The following IHO1 variants were observed in gnomAD, a reference collection of about 807,000 sequenced individuals.
The protein encoded by IHO1 is interactor of HORMAD1 1.
In IHO1, 13 loss-of-function variants were observed where a neutral mutation model predicts 31.0. That is an observed-to-expected ratio of 0.42 (90% CI 0.27 to 0.67). The LOEUF is 0.67. Among genes scored for constraint, IHO1 ranks in the 30% least tolerant of loss-of-function variants. IHO1 has a pLI of 0.24. For missense variants in IHO1, 599 were observed against 687.5 expected, an observed-to-expected ratio of 0.87 and a Z score of 1.44; for synonymous variants, 221 against 248.4, an observed-to-expected ratio of 0.89 and a Z score of 1.04.
At chr3:49,223,475 A>G (rs1264594515) in intron 2 of IHO1, among the ~76,000 whole-genome samples, 2 of 152,084 alleles carry the variant, frequency 1.3e-5, no homozygotes, top group Admixed American at 6.6e-5. Context: ...GCGGATCACG[A>G]GGTCAGGAGA....
At chr3:49,195,511 A>G (rs556633862), upstream of IHO1, among the ~76,000 whole-genome samples, 31 of 150,984 alleles carry the variant, frequency 2.1e-4, no homozygotes, top group African/African-American at 6.8e-4. Flanking sequence ...AGGTCAGGAG[A>G]TAGAGACCAT....
intron 2 of IHO1, among the ~76,000 whole-genome samples, chr3:49,229,025 CACAGAGTGCTGATTGGTGCGTTTTT>C (rs1268976374): frequency 2.6e-5 from 4 of 152,126 alleles, no homozygotes; most frequent in East Asian, 1.9e-4. Flanking sequence ...TATAGCTAGA[CACAGAGTGCTGATTGGTGCGTTTTT>C]ACAGAGTGCT....
At chr3:49,209,063 T>C (rs2046175762) in intron 1 of IHO1, among the ~76,000 whole-genome samples, 1 of 152,190 alleles carries the variant, frequency 6.6e-6, no homozygotes, top group South Asian at 2.1e-4. Flanking sequence ...GGGTAAACCA[T>C]GTGGTAAACA....
chr3:49,256,569 A>C lies in IHO1; in HGVS notation c.1072A>C (p.Lys358Gln), dbSNP rs1433412515. Residue 358 changes from lysine (K) to glutamine (Q), a missense_variant, in exon 8 of 8, where the codon AAG becomes CAG. Lys to Gln is a moderately conservative substitution (Grantham distance 53, BLOSUM62 1). Transcript: ENST00000452691. This position sits in a 1 kb window ranked among gnomAD's most constrained non-coding sequence, Gnocchi z 4.6. ...GGACAAGGTGGTGCAGACTAACTGC[A>C]AGAACTGGGCTGTTACTAAAACAGG... ...VKDKVVQTNC[K>Q]NWAVTKTGAK... The C allele has an allele frequency of 6.2e-7, 1 of 1,614,232 alleles. No individual in the cohort carries two copies. The highest frequency in any genetic ancestry group is 8.5e-7 in the Non-Finnish European group (1 of 1,180,042).
At chr3:49,211,155 C>T (rs1390854142) in intron 1 of IHO1, among the ~76,000 whole-genome samples, 1 of 151,410 alleles carries the variant, frequency 6.6e-6, no homozygotes, top group East Asian at 1.9e-4. Flanking sequence ...CTACAGGCAC[C>T]CACCACCACG....
At position 49,239,146 on chromosome 3, in the gene IHO1, ATTTTTAGTAGAGACAGGG is replaced by A. The variant is rs563786780; in HGVS notation, c.232-2076_232-2059del. Among the ~76,000 whole-genome samples the A allele has an allele frequency of 4.2e-3, 634 of 151,772 alleles. 4 individuals carry two copies. The highest frequency in any genetic ancestry group is 0.014 in the African/African-American group (594 of 41,354). ...GCCCCCATGCCCAGCTAATTTTTGTATTTTTAGTAGAGACAGGGTTTCACTGTGTTGGCTAGGCTGGTC... is the reference window on the plus strand; with the variant it reads ...GCCCCCATGCCCAGCTAATTTTTGTATTTCACTGTGTTGGCTAGGCTGGTC... On this transcript the variant is annotated intron_variant, in intron 3 of 7. Transcript: ENST00000452691.
chr3:49,218,130 C>T (rs2046312079), intron 2 of IHO1, among the ~76,000 whole-genome samples: 1 of 152,078 alleles, frequency 6.6e-6, no homozygotes, highest in Non-Finnish European at 1.5e-5. Context: ...AGCTGGCTGC[C>T]CCCATGAGCA....
chr3:49,244,343 A>T (rs1302867349), intron 4 of IHO1, 61 bp from the exon 5 acceptor site: 2 of 998,736 alleles, frequency 2.0e-6, no homozygotes, highest in Non-Finnish European at 3.2e-6. Flanking sequence ...GGAATCATTT[A>T]TGTTACTTAT....
upstream of IHO1, among the ~76,000 whole-genome samples, chr3:49,196,430 TG>T (rs2045996503): frequency 6.7e-6 from 1 of 149,232 alleles, no homozygotes; most frequent in Non-Finnish European, 1.5e-5. Context: ...GCCATTCTCC[TG>T]CCTCAGCCTC....
intron 6 of IHO1, among the ~76,000 whole-genome samples, chr3:49,250,886 C>A (rs1029539949): frequency 1.3e-5 from 2 of 151,766 alleles, no homozygotes; most frequent in Non-Finnish European, 1.5e-5. Context: ...AAAAATTAGC[C>A]GGGCGTGGTG....
intron 2 of IHO1, among the ~76,000 whole-genome samples, chr3:49,220,783 G>A (rs920237053): frequency 6.6e-5 from 10 of 152,196 alleles, no homozygotes; most frequent in Non-Finnish European, 7.3e-5. Flanking sequence ...CAGGAGAATG[G>A]CATGAACCTG....
chr3:49,255,557 AC>A (rs2046812330), intron 7 of IHO1, 64 bp downstream of exon 7: 424 of 898,594 alleles, frequency 4.7e-4, no homozygotes, highest in Non-Finnish European at 6.0e-4. Context: ...CCAGAGAGAA[AC>A]TTTTTTTTTT....
chr3:49,228,253 T>A, intron 2 of IHO1: 1 of 436,590 alleles, frequency 2.3e-6, no homozygotes, highest in Non-Finnish European at 4.6e-6. Flanking sequence ...ATGGCTTTCC[T>A]CTCTGTCAAC....
At chr3:49,224,262 C>T (rs1258289917) in intron 2 of IHO1, among the ~76,000 whole-genome samples, 4 of 152,186 alleles carry the variant, frequency 2.6e-5, no homozygotes, top group Non-Finnish European at 5.9e-5. Flanking sequence ...ACCAAGGATC[C>T]TTCCGTAGGT....
chr3:49,202,738 C>A (rs887940371), intron 1 of IHO1, among the ~76,000 whole-genome samples: 7 of 151,724 alleles, frequency 4.6e-5, no homozygotes, highest in African/African-American at 1.5e-4. Context: ...TACGATGGCG[C>A]AGTCTTGGCT....
chr3:49,227,233 C>T (rs2046428718), intron 2 of IHO1, among the ~76,000 whole-genome samples: 2 of 152,152 alleles, frequency 1.3e-5, no homozygotes, highest in Admixed American at 6.5e-5. Context: ...GGCCATTTTT[C>T]CCCATCAGAG....
intron 6 of IHO1, among the ~76,000 whole-genome samples, chr3:49,253,028 A>G (rs1311285435): frequency 6.6e-6 from 1 of 151,256 alleles, no homozygotes; most frequent in African/African-American, 2.4e-5. Context: ...CAATAGAATG[A>G]GACTCAGTCT....
intron 2 of IHO1, among the ~76,000 whole-genome samples, chr3:49,219,302 A>T (rs1260293877): frequency 6.6e-6 from 1 of 152,246 alleles, no homozygotes; most frequent in Non-Finnish European, 1.5e-5. Context: ...CACCCAGGGC[A>T]GAAAACTGCT....
At chr3:49,212,600 C>G (rs2046235939) in intron 2 of IHO1, among the ~76,000 whole-genome samples, 1 of 151,870 alleles carries the variant, frequency 6.6e-6, no homozygotes, top group African/African-American at 2.4e-5. Context: ...CTTGGTTTCA[C>G]TGACTTCAAG....
Sources: gnomAD v4.1 joint callset for allele counts (sites outside exome capture counted in the v4.1 genomes callset) on GRCh38, gnomAD v4.1.1 for gene constraint, Gnocchi (gnomAD v3.1) non-coding constraint, MANE v1.5 for transcripts, NCBI Gene and HGNC (gene_info 2026-07-23, HGNC 2026-07-21) for gene names.